Variants in PCED1B observed in about 807,000 individuals in gnomAD.
The protein encoded by PCED1B is PC-esterase domain containing 1B.
For synonymous variants in PCED1B, 251 were observed against 246.1 expected (o/e 1.02, Z -0.19); for missense variants, 573 against 573.9 (o/e 1.00, Z 0.02).
chr12:47,105,169 C>T (rs1938890532), intron 2 of PCED1B, among the ~76,000 whole-genome samples: 1 of 152,066 alleles, frequency 6.6e-6, no homozygotes, highest in Non-Finnish European at 1.5e-5. Flanking sequence ...GGGAAAGCTC[C>T]TATACAGAGG....
At chr12:47,086,711 C>T (rs1368953265) in intron 1 of PCED1B, among the ~76,000 whole-genome samples, 1 of 152,102 alleles carries the variant, frequency 6.6e-6, no homozygotes, top group Non-Finnish European at 1.5e-5. Flanking sequence ...TTATTTTGCT[C>T]ATTGTTAGCC....
At chr12:47,090,938 G>C (rs854887) in intron 1 of PCED1B, among the ~76,000 whole-genome samples, 2,695 of 152,046 alleles carry the variant, frequency 0.018, 86 homozygotes, top group African/African-American at 0.061. Flanking sequence ...CCAACAAATG[G>C]TTGTTCCAAT....
At chr12:47,179,144 T>G (rs1402150109) in intron 2 of PCED1B, among the ~76,000 whole-genome samples, 1 of 152,228 alleles carries the variant, frequency 6.6e-6, no homozygotes, top group African/African-American at 2.4e-5. Context: ...CAACCACAAT[T>G]TAGAACTAGC....
At chr12:47,155,261 A>G (rs972247425) in intron 2 of PCED1B, among the ~76,000 whole-genome samples, 16 of 152,192 alleles carry the variant, frequency 1.1e-4, no homozygotes, top group African/African-American at 3.4e-4. Flanking sequence ...ATTTCATCTA[A>G]TCTAAGATTT....
intron 2 of PCED1B, among the ~76,000 whole-genome samples, chr12:47,125,280 A>G (rs13377855): frequency 0.11 from 16,859 of 152,010 alleles, 1,804 homozygotes; most frequent in African/African-American, 0.28. Context: ...CCCTTTCTCT[A>G]GTAAATTCCC....
At chr12:47,214,658 A>C (rs547604901) in intron 2 of PCED1B, among the ~76,000 whole-genome samples, 3 of 152,170 alleles carry the variant, frequency 2.0e-5, no homozygotes, top group Non-Finnish European at 4.4e-5. Context: ...AAAAAAAAGA[A>C]AAGAAAAGGA....
intron 2 of PCED1B, among the ~76,000 whole-genome samples, chr12:47,194,762 C>T (rs1176831247): frequency 1.3e-5 from 2 of 152,222 alleles, no homozygotes; most frequent in East Asian, 3.9e-4. Flanking sequence ...CCTTAGATGG[C>T]AGAAGCAGCA....
chr12:47,083,318 G>C (rs576813587), intron 1 of PCED1B, among the ~76,000 whole-genome samples: 1 of 152,044 alleles, frequency 6.6e-6, no homozygotes, highest in African/African-American at 2.4e-5. Flanking sequence ...TTTATACACT[G>C]GCAGATATCT....
intron 2 of PCED1B, among the ~76,000 whole-genome samples, chr12:47,198,220 G>T (rs1942664238): frequency 6.6e-6 from 1 of 152,120 alleles, no homozygotes; most frequent in East Asian, 1.9e-4. Flanking sequence ...TTTTTTCGAG[G>T]TATACAGGGT....
chr12:47,134,533 AC>A (rs1461218099), intron 2 of PCED1B, among the ~76,000 whole-genome samples: 9 of 152,098 alleles, frequency 5.9e-5, no homozygotes, highest in Admixed American at 5.9e-4. Flanking sequence ...ACCTGCATTG[AC>A]CCCTTCCATC....
chr12:47,223,126 G>A (rs2137846333), intron 3 of PCED1B, among the ~76,000 whole-genome samples: 1 of 152,124 alleles, frequency 6.6e-6, no homozygotes, highest in African/African-American at 2.4e-5. Context: ...GAGAGAGAGA[G>A]AGAAAGACCA....
In PCED1B at chr12:47,156,881, C is replaced by T. The variant is rs71462948; in HGVS notation, c.-526+52686C>T. ...ATCTTGGCCAAGTCATTTGACCTCT[C>T]TAAGCCTCAGCTTCCCCCTATGTAA... On this transcript the variant is annotated intron_variant, in intron 2 of 3. Coordinates refer to ENST00000546455, the MANE Select transcript of PCED1B (RefSeq NM_138371.3). 4.4e-4 allele frequency among the ~76,000 whole-genome samples: 67 copies of T among 152,076 alleles called. 1 individual carries two copies. The highest frequency in any genetic ancestry group is 8.7e-4 in the Non-Finnish European group (59 of 68,014).
At chr12:47,212,074 CAAA>C (rs34413650) in intron 2 of PCED1B, among the ~76,000 whole-genome samples, 1,836 of 89,148 alleles carry the variant, frequency 0.021, 22 homozygotes, top group South Asian at 0.044. Context: ...GACTCCGTCT[CAAA>C]AAAAAAAAAA....
intron 2 of PCED1B, among the ~76,000 whole-genome samples, chr12:47,200,743 GC>G (rs758005367): frequency 5.9e-5 from 9 of 152,210 alleles, no homozygotes; most frequent in Non-Finnish European, 8.8e-5. Context: ...AGTGCAGTGT[GC>G]CTACAGAATT....
chr12:47,188,262 C>T (rs938416096), intron 2 of PCED1B, among the ~76,000 whole-genome samples: 70 of 152,224 alleles, frequency 4.6e-4, no homozygotes, highest in African/African-American at 1.6e-3. Context: ...TTATTAAAGG[C>T]TAATCTCAGG....
chr12:47,120,260 T>C (rs1939620533), intron 2 of PCED1B, among the ~76,000 whole-genome samples: 1 of 152,160 alleles, frequency 6.6e-6, no homozygotes, highest in Non-Finnish European at 1.5e-5. Flanking sequence ...GCAGCCACTT[T>C]GGAAAATAGT....
At position 47,198,126 on chromosome 12, in the gene PCED1B, A is replaced by G. The variant is rs76915570; in HGVS notation, c.-525-18096A>G. On this transcript the variant is annotated intron_variant, in intron 2 of 3. Transcript: ENST00000546455. ...CTACAGACTCATATCTTTCACAATC[A>G]TAAATCCAGAAATTCTCAACAAAAT... Among the ~76,000 whole-genome samples the G allele has an allele frequency of 4.3e-3, 654 of 152,370 alleles. 7 individuals carry two copies. Among genetic ancestry groups the G allele is most frequent in the African/African-American group, 0.015 (621 of 41,588 alleles).
chr12:47,183,650 T>C (rs1385866164), intron 2 of PCED1B, among the ~76,000 whole-genome samples: 1 of 152,178 alleles, frequency 6.6e-6, no homozygotes, highest in African/African-American at 2.4e-5. Flanking sequence ...CACAGTACAG[T>C]AGACTGTTTA....
intron 2 of PCED1B, among the ~76,000 whole-genome samples, chr12:47,106,329 T>C (rs1426364039): frequency 6.6e-6 from 1 of 152,208 alleles, no homozygotes; most frequent in Non-Finnish European, 1.5e-5. Flanking sequence ...CATTTCCCTT[T>C]ACTGCATTAT....
Sources: gnomAD v4.1 joint callset for allele counts (sites outside exome capture counted in the v4.1 genomes callset) on GRCh38, gnomAD v4.1.1 for gene constraint, MANE v1.5 for transcripts, NCBI Gene and HGNC (gene_info 2026-07-23, HGNC 2026-07-21) for gene names.